OPCML: variants seen among roughly 807,000 people sequenced by gnomAD.
OPCML encodes opioid-binding protein/cell adhesion molecule.
In OPCML, 13 loss-of-function variants were observed where a neutral mutation model predicts 37.8. The observed-to-expected ratio is 0.34, with a 90% CI of 0.22 to 0.55. OPCML has a LOEUF of 0.55. Among genes scored for constraint, OPCML ranks in the 20% least tolerant of loss-of-function variants. The pLI is 0.91. For missense variants in OPCML, 341 were observed against 435.6 expected, an observed-to-expected ratio of 0.78 and a Z score of 1.93; for synonymous variants, 176 against 168.8, an observed-to-expected ratio of 1.04 and a Z score of -0.33.
chr11:133,143,840 A>G (rs964829119), intron 1 of OPCML, among the ~76,000 whole-genome samples: 13 of 152,342 alleles, frequency 8.5e-5, no homozygotes, highest in African/African-American at 2.4e-5. Context: ...TACACATTCA[A>G]TTGCTGTGAT....
intron 2 of OPCML, among the ~76,000 whole-genome samples, chr11:132,741,695 C>T (rs1037398463): frequency 1.1e-4 from 16 of 152,056 alleles, no homozygotes; most frequent in South Asian, 2.1e-4. Context: ...AATATATTTT[C>T]GATATTCATT....
intron 3 of OPCML, among the ~76,000 whole-genome samples, chr11:132,536,596 T>C (rs1313024745): frequency 6.6e-6 from 1 of 152,214 alleles, no homozygotes; most frequent in East Asian, 1.9e-4. Context: ...AAATGTGAAA[T>C]ACTTTTCATT....
chr11:133,473,666 T>C (rs1391496932), intron 1 of OPCML, among the ~76,000 whole-genome samples: 2 of 152,138 alleles, frequency 1.3e-5, no homozygotes, highest in Non-Finnish European at 1.5e-5. Flanking sequence ...AGTCTCAGAG[T>C]TCAGTCTCTT....
intron 1 of OPCML, among the ~76,000 whole-genome samples, chr11:133,289,487 C>T (rs969705880): frequency 2.5e-4 from 36 of 145,344 alleles, no homozygotes; most frequent in Non-Finnish European, 4.2e-4. Context: ...CCCAGCTACT[C>T]GGGAGGCTGA....
At chr11:133,215,059 A>G (rs1227523043) in intron 1 of OPCML, among the ~76,000 whole-genome samples, 2 of 152,196 alleles carry the variant, frequency 1.3e-5, no homozygotes, top group African/African-American at 4.8e-5. Flanking sequence ...AGTCACAAAT[A>G]TACCTAGTTA....
At chr11:133,191,958 A>C (rs1349826257) in intron 1 of OPCML, among the ~76,000 whole-genome samples, 1 of 152,206 alleles carries the variant, frequency 6.6e-6, no homozygotes, top group Non-Finnish European at 1.5e-5. Flanking sequence ...AAAACCTTAG[A>C]GCTAAATAGA....
At chr11:132,855,026 A>G (rs1033072141) in intron 2 of OPCML, among the ~76,000 whole-genome samples, 1 of 152,236 alleles carries the variant, frequency 6.6e-6, no homozygotes. Context: ...CCGCTTTTGT[A>G]AAGCTAATAA....
At chr11:133,203,593 T>C (rs1397997942) in intron 1 of OPCML, among the ~76,000 whole-genome samples, 1 of 152,102 alleles carries the variant, frequency 6.6e-6, no homozygotes, top group East Asian at 1.9e-4. Flanking sequence ...AGAAGATAAA[T>C]TACTAAGAAG....
At chr11:132,661,976 T>C (rs1305297465) in intron 2 of OPCML, among the ~76,000 whole-genome samples, 6 of 152,188 alleles carry the variant, frequency 3.9e-5, no homozygotes, top group Admixed American at 3.9e-4. Context: ...GGAAAGAAGG[T>C]ATAAATGAGA....
intron 2 of OPCML, among the ~76,000 whole-genome samples, chr11:132,855,048 A>G (rs1181623392): frequency 6.6e-6 from 1 of 152,204 alleles, no homozygotes; most frequent in Non-Finnish European, 1.5e-5. Context: ...AGGCTATGAG[A>G]TTAGGATTAT....
intron 1 of OPCML, among the ~76,000 whole-genome samples, chr11:133,359,650 G>C (rs1944370464): frequency 6.6e-6 from 1 of 152,150 alleles, no homozygotes; most frequent in Non-Finnish European, 1.5e-5. Context: ...TATCAAAGCA[G>C]CAAAATAGAT....
At chr11:133,470,348 T>C (rs1012687104) in intron 1 of OPCML, among the ~76,000 whole-genome samples, 2 of 152,216 alleles carry the variant, frequency 1.3e-5, no homozygotes, top group South Asian at 4.1e-4. Context: ...CTATTAGAAT[T>C]AATTAGACTA....
At chr11:133,040,557 C>A (rs1380394940) in intron 1 of OPCML, among the ~76,000 whole-genome samples, 2 of 152,160 alleles carry the variant, frequency 1.3e-5, no homozygotes, top group African/African-American at 4.8e-5. Flanking sequence ...TGTTGGATGT[C>A]TGAAAACGGC....
intron 2 of OPCML, among the ~76,000 whole-genome samples, chr11:132,725,926 T>C (rs752357339): frequency 1.1e-4 from 17 of 152,168 alleles, no homozygotes; most frequent in Non-Finnish European, 2.4e-4. Context: ...TTTGCTCTAG[T>C]TTCCCCAAAA....
At chr11:133,398,166 A>C (rs921944015) in intron 1 of OPCML, among the ~76,000 whole-genome samples, 1 of 152,218 alleles carries the variant, frequency 6.6e-6, no homozygotes. Context: ...CTCATGAATT[A>C]TATTGGCCAC....
intron 3 of OPCML, among the ~76,000 whole-genome samples, chr11:132,555,813 A>G (rs1374660113): frequency 1.3e-5 from 2 of 152,160 alleles, no homozygotes; most frequent in Non-Finnish European, 2.9e-5. Context: ...CTTAACATGA[A>G]CTCTGTACCT....
intron 1 of OPCML, among the ~76,000 whole-genome samples, chr11:133,011,220 C>A (rs1204295879): frequency 6.6e-6 from 1 of 152,202 alleles, no homozygotes; most frequent in Non-Finnish European, 1.5e-5. Flanking sequence ...CAGGCCCTTT[C>A]TATGGAGTCT....
chr11:132,421,377 T>C (rs750924349), intron 7 of OPCML, among the ~76,000 whole-genome samples: 7 of 152,170 alleles, frequency 4.6e-5, no homozygotes, highest in Non-Finnish European at 8.8e-5. Context: ...AAGCCAGGAC[T>C]TCACAGCTTC....
chr11:133,232,804 G>A (rs1397953628), intron 1 of OPCML, among the ~76,000 whole-genome samples: 2 of 152,172 alleles, frequency 1.3e-5, no homozygotes, highest in Non-Finnish European at 2.9e-5. Flanking sequence ...TCACCAAACA[G>A]GTCGGACTGC....
Sources: allele counts gnomAD v4.1 joint callset (sites outside exome capture counted in the v4.1 genomes callset), GRCh38; gene constraint gnomAD v4.1.1; transcripts MANE v1.5; gene names NCBI Gene and HGNC (gene_info 2026-07-23, HGNC 2026-07-21).